The following GPR171 variants were observed in gnomAD, a reference collection of about 807,000 sequenced individuals.
The protein encoded by GPR171 is G protein-coupled receptor 171, also known as F730001G15Rik.
In GPR171, 14 loss-of-function variants were observed where a neutral mutation model predicts 16.7. The ratio of observed to expected loss-of-function variants is 0.84; its 90% confidence interval spans 0.55 to 1.31. The LOEUF (loss-of-function observed/expected upper bound fraction) is 1.31, where lower values mean the gene tolerates loss of function less well. Ranked by LOEUF, GPR171 falls within the 40% of genes most tolerant of loss-of-function variation. The pLI, the probability that GPR171 is intolerant of heterozygous loss-of-function variation, is 0.00. For synonymous variants in GPR171, 134 were observed against 135.6 expected, an observed-to-expected ratio of 0.99 and a Z score of 0.08; for missense variants, 337 against 378.9, an observed-to-expected ratio of 0.89 and a Z score of 0.92.
chr3:151,198,610 G>A lies in GPR171; in HGVS notation c.777C>T (p.Thr259=). The change falls in exon 3 of 3, where the codon ACC becomes ACT. Residue 259 remains threonine (T), a synonymous_variant. Transcript: ENST00000309180. The part of the protein sequence containing the change: ...SQTEVITDCS[T]RISLFKAKEA... Reference sequence around the variant, plus strand: ...CTTTGGCTTTGAAGAGTGAAATCCTGGTTGAGCAATCAGTTATGACTTCTG... The same window carrying A: ...CTTTGGCTTTGAAGAGTGAAATCCTAGTTGAGCAATCAGTTATGACTTCTG... The A allele has an allele frequency of 6.2e-7, 1 of 1,613,794 alleles. No individual in the cohort carries two copies. Among genetic ancestry groups the A allele is most frequent in the African/African-American group, 1.3e-5 (1 of 75,000 alleles).
Position 151,199,020 on chromosome 3 carries a change from A to G in GPR171, c.367T>C (p.Tyr123His). ...GCAAATCCGGGTTCTTGTATTCGGT[A>G]GATCTTGCAGCTGTGTGTCAGCTGA... ...CLQLTHSCKI[Y>H]RIQEPGFAKM... The change falls in exon 3 of 3, where the codon TAC (tyrosine) becomes CAC (histidine). Residue 123 changes from tyrosine to histidine, a missense_variant. Coordinates refer to ENST00000309180, the MANE Select transcript of GPR171 (RefSeq NM_013308.4). 1 of 1,614,186 alleles carries G rather than the reference A, an allele frequency of 6.2e-7. No individual in the cohort carries two copies. The highest frequency in any genetic ancestry group is 8.5e-7 in the Non-Finnish European group (1 of 1,180,018).
chr3:151,202,268 A>G (rs2149159588), intron 1 of GPR171, among the ~76,000 whole-genome samples: 1 of 152,382 alleles, frequency 6.6e-6, no homozygotes, highest in South Asian at 2.1e-4. Flanking sequence ...ATATTTTACC[A>G]GACAGTTACT....
At chr3:151,200,233 C>T (rs1001050057) in intron 2 of GPR171, among the ~76,000 whole-genome samples, 18 of 152,060 alleles carry the variant, frequency 1.2e-4, no homozygotes, top group Admixed American at 3.9e-4. Flanking sequence ...AAATCTGGAA[C>T]ATTGAGCGGG....
chr3:151,198,209 G>A lies in GPR171; in HGVS notation c.*218C>T, dbSNP rs1724939438. 2.4e-6 allele frequency: 1 copy of A among 408,358 alleles called. No individual in the cohort carries two copies. The highest frequency in any genetic ancestry group is 2.0e-5 in the African/African-American group (1 of 49,186). 25.3% of individuals were successfully genotyped at this position (408,358 alleles called of 1,614,324 possible). On this transcript the variant is annotated 3_prime_UTR_variant, in exon 3 of 3. Transcript: ENST00000309180. ...GTTCAATGAGACTCTTTAGTTTTTT[G>A]TACAAATATTTGGGTTAATGAGTAG...
Position 151,198,412 on chromosome 3 carries a change from A to C in GPR171, c.*15T>G. 6.4e-7 allele frequency: 1 copy of C among 1,573,384 alleles called. No homozygotes were observed. Among genetic ancestry groups the C allele is most frequent in the Non-Finnish European group, 8.7e-7 (1 of 1,155,376 alleles). On this transcript the variant is annotated 3_prime_UTR_variant, in exon 3 of 3. Coordinates refer to ENST00000309180, the MANE Select transcript of GPR171 (RefSeq NM_013308.4). ...CCAGTAAGGCCAGAATTGGTAGCAC[A>C]AAAAATCCTGTCTTTTATGCATTAT...
At chr3:151,199,997 A>C (rs1367853504) in intron 2 of GPR171, among the ~76,000 whole-genome samples, 1 of 152,192 alleles carries the variant, frequency 6.6e-6, no homozygotes, top group East Asian at 1.9e-4. Context: ...CAAACAAAAA[A>C]ACCCACAACT....
Position 151,199,426 on chromosome 3 carries a change from A to C in GPR171, c.-40T>G. On this transcript the variant is annotated 5_prime_UTR_variant, in exon 3 of 3. Coordinates refer to ENST00000309180, the MANE Select transcript of GPR171 (RefSeq NM_013308.4). ...AGGATGACTGCTTATTGAAAAGAAAAAATTTCTAAGACTCTGTAAAAGAAA... is the reference window on the plus strand; with the variant it reads ...AGGATGACTGCTTATTGAAAAGAAACAATTTCTAAGACTCTGTAAAAGAAA... 1.3e-6 allele frequency: 2 copies of C among 1,535,978 alleles called. No individual in the cohort carries two copies. Among genetic ancestry groups the C allele is most frequent in the South Asian group, 2.5e-5 (2 of 79,160 alleles).
Position 151,198,341 on chromosome 3 carries a change from TG to T in GPR171, c.*85del, listed in dbSNP as rs765932023. ...TATTTTTTCATACTGAGTTTTTTTT[TG>T]TTTTTTTTTTTTTTATCTTTCAAAG... On this transcript the variant is annotated 3_prime_UTR_variant, in exon 3 of 3. Coordinates refer to ENST00000309180, the MANE Select transcript of GPR171 (RefSeq NM_013308.4). The T allele has an allele frequency of 2.0e-3, 1,840 of 924,272 alleles. 10 individuals carry two copies. Among genetic ancestry groups the T allele is most frequent in the Non-Finnish European group, 2.3e-3 (1,535 of 668,992 alleles). The allele number at this position is 924,272 out of a possible 1,614,324, so 57.3% of individuals were successfully genotyped here. A position where few individuals can be genotyped will look rare whatever the true frequency, so the allele number is the denominator to read the frequency against.
chr3:151,200,151 G>C (rs1431438906), intron 2 of GPR171, among the ~76,000 whole-genome samples: 1 of 148,420 alleles, frequency 6.7e-6, no homozygotes, highest in Non-Finnish European at 1.5e-5. Context: ...AAGCCCAGAA[G>C]CATAAGACAT....
At chr3:151,201,715 A>T (rs1365842531) in intron 1 of GPR171, among the ~76,000 whole-genome samples, 1 of 152,212 alleles carries the variant, frequency 6.6e-6, no homozygotes, top group East Asian at 1.9e-4. Flanking sequence ...GCGACCATGA[A>T]TTTGGATAGT....
At chr3:151,201,242 C>T (rs950667282) in intron 1 of GPR171, among the ~76,000 whole-genome samples, 1 of 152,142 alleles carries the variant, frequency 6.6e-6, no homozygotes, top group Non-Finnish European at 1.5e-5. Flanking sequence ...CTCTCTCTCT[C>T]TCTCACACGC....
rs1486352891 is a variant in GPR171, at chr3:151,198,904, T to G, written c.483A>C (p.Ser161=). Reference sequence around the variant, plus strand: ...TTTTAAACTCCATACAACCCACATTTGACTTTTCCTTGATGTCTTTGATGG... The same window carrying G: ...TTTTAAACTCCATACAACCCACATTGGACTTTTCCTTGATGTCTTTGATGG... ...MIPIKDIKEK[S]NVGCMEFKKE... Residue 161 remains serine, a synonymous_variant, in exon 3 of 3, where the codon TCA becomes TCC. Transcript: ENST00000309180. The G allele has an allele frequency of 1.2e-6, 2 of 1,614,132 alleles. No individual in the cohort carries two copies. The highest frequency in any genetic ancestry group is 1.3e-5 in the African/African-American group (1 of 75,062).
chr3:151,201,016 T>G lies in GPR171; in HGVS notation c.-142-19A>C, dbSNP rs942167870. 4.6e-5 allele frequency: 7 copies of G among 152,274 alleles called. No individual in the cohort carries two copies. In the South Asian group the frequency reaches 1.5e-3, roughly 32 times the overall value. 9.4% of individuals were successfully genotyped at this position (152,274 alleles called of 1,614,324 possible). ...CAAAACACTGCCTCAGTAACAATAG[T>G]AAGATGATGATAGAAATGATAATGA... On this transcript the variant is annotated intron_variant, in intron 1 of 2. Coordinates refer to ENST00000309180, the MANE Select transcript of GPR171 (RefSeq NM_013308.4).
intron 1 of GPR171, among the ~76,000 whole-genome samples, 160 bp from the exon 2 acceptor site, chr3:151,201,157 T>C (rs1725511254): frequency 6.6e-6 from 1 of 152,214 alleles, no homozygotes; most frequent in Non-Finnish European, 1.5e-5. Context: ...TTTACCAAAA[T>C]ACTAAGAATA....
At position 151,199,258 on chromosome 3, in the gene GPR171, A is replaced by G. The variant is rs1245893942; in HGVS notation, c.129T>C (p.Asn43=). The change falls in exon 3 of 3, where the codon AAT becomes AAC. Residue 43 remains asparagine, a synonymous_variant. Coordinates refer to ENST00000309180, the MANE Select transcript of GPR171 (RefSeq NM_013308.4). The stretch of plus-strand genomic sequence containing the variant: ...AGATGCTCACACACCTGTGATTCGT[A>G]TTCTTCTGTATAAAAGCCCAGGTTG... ...CFATWAFIQK[N]TNHRCVSIYL... is the part of the protein sequence containing the mutation. 5.6e-6 allele frequency: 9 copies of G among 1,614,082 alleles called. No individual in the cohort carries two copies. The highest frequency in any genetic ancestry group is 6.8e-6 in the Non-Finnish European group (8 of 1,179,958).
chr3:151,198,736 A>G lies in GPR171; in HGVS notation c.651T>C (p.Asn217=), dbSNP rs1223181867. The G allele has an allele frequency of 2.5e-6, 4 of 1,613,430 alleles. No individual in the cohort carries two copies. In the African/African-American group the frequency reaches 5.3e-5, roughly 22 times the overall value. ...GTATGTTGATGAGAGCCTTTTTCAC[A>G]TTTGGGTAATTTTCATTATCTTTGT... ...YRNKDNENYP[N]VKKALINILL... The change falls in exon 3 of 3, where the codon AAT becomes AAC. Residue 217 remains asparagine, a synonymous_variant. Transcript: ENST00000309180.
chr3:151,200,841 AT>A (rs1426906159), intron 2 of GPR171, 67 bp downstream of exon 2: 2 of 152,192 alleles, frequency 1.3e-5, no homozygotes, highest in African/African-American at 4.8e-5. Context: ...TATCATTTCC[AT>A]AAGCTAGGTG....
Position 151,198,948 on chromosome 3 carries a change from C to T in GPR171, c.439G>A (p.Val147Met). 1 of 1,613,928 alleles carries T rather than the reference C, an allele frequency of 6.2e-7. No homozygotes were observed. Among genetic ancestry groups the T allele is most frequent in the Non-Finnish European group, 8.5e-7 (1 of 1,179,994 alleles). Residue 147 changes from valine (V) to methionine (M), a missense_variant, in exon 3 of 3, where the codon GTG (valine) becomes ATG (methionine). Physicochemically the swap from Val to Met is conservative, Grantham distance 21. Coordinates refer to ENST00000309180, the MANE Select transcript of GPR171 (RefSeq NM_013308.4). ...TTGATGGGAATCATCATATTTGGCA[C>T]CATTATAAGAAGGACCATTAGCCAC... is the stretch of plus-strand genomic sequence containing the variant. ...VVWLMVLLIM[V>M]PNMMIPIKDI...
At chr3:151,202,591 A>G (rs1460851194) in intron 1 of GPR171, among the ~76,000 whole-genome samples, 2 of 152,164 alleles carry the variant, frequency 1.3e-5, no homozygotes, top group Non-Finnish European at 2.9e-5. Context: ...AATTGTTTGA[A>G]CCCGGGATGT....
Sources: allele counts gnomAD v4.1 joint callset (sites outside exome capture counted in the v4.1 genomes callset), GRCh38; gene constraint gnomAD v4.1.1; transcripts MANE v1.5; gene names NCBI Gene and HGNC (gene_info 2026-07-23, HGNC 2026-07-21).